The following LRIG2 variants were observed in gnomAD, a reference collection of about 807,000 sequenced individuals.
The protein encoded by LRIG2 is leucine-rich repeats and immunoglobulin-like domains protein 2.
Under a neutral mutation model 107.8 loss-of-function variants are expected in LRIG2, and 93 were observed. The ratio of observed to expected loss-of-function variants is 0.86; its 90% confidence interval spans 0.73 to 1.03. The LOEUF (loss-of-function observed/expected upper bound fraction) is 1.03. LRIG2 is among the 50% of genes least tolerant of loss of function. The pLI, the probability that LRIG2 is intolerant of heterozygous loss-of-function variation, is 0.00. For synonymous variants in LRIG2, 471 were observed against 470.6 expected (o/e 1.00, Z -0.01); for missense variants, 1,226 against 1,296.0 (o/e 0.95, Z 0.83).
At chr1:113,100,687 C>T (rs1283751439) in intron 11 of LRIG2, 199 bp downstream of exon 11, 4 of 434,188 alleles carry the variant, frequency 9.2e-6, no homozygotes, top group Non-Finnish European at 1.7e-5. Context: ...GAGTGTGTGG[C>T]ACCAAGACCT....
intron 14 of LRIG2, among the ~76,000 whole-genome samples, chr1:113,113,552 ATTTATTTATTTATTTAT>A (rs1257023336): frequency 6.8e-6 from 1 of 148,142 alleles, no homozygotes; most frequent in Non-Finnish European, 1.5e-5. Context: ...TTATTTATTT[ATTTATTTATTTATTTAT>A]TTATTTATTT....
intron 14 of LRIG2, among the ~76,000 whole-genome samples, chr1:113,113,919 T>C (rs945877453): frequency 3.3e-5 from 5 of 152,180 alleles, no homozygotes; most frequent in Non-Finnish European, 7.3e-5. Context: ...TAGCATATTC[T>C]AGACTTTCCC....
intron 1 of LRIG2, among the ~76,000 whole-genome samples, chr1:113,089,362 T>C (rs1653690810): frequency 6.6e-6 from 1 of 152,242 alleles, no homozygotes; most frequent in Non-Finnish European, 1.5e-5. Context: ...TAGACTTGAC[T>C]AATTTCAGTG....
intron 16 of LRIG2, among the ~76,000 whole-genome samples, chr1:113,116,928 G>A (rs1655043614): frequency 6.6e-6 from 1 of 152,168 alleles, no homozygotes; most frequent in African/African-American, 2.4e-5. Context: ...TGTGCTGTGA[G>A]TGCACCTATG....
At position 113,124,229 on chromosome 1, in the gene LRIG2, A is replaced by G. The variant is rs190780458; in HGVS notation, c.*128A>G. ...TTTCTTTATGATTGCATCTGACCGCACCAAGGTGGGCCATGCGTTGTTTGG... is the reference window on the plus strand; with the variant it reads ...TTTCTTTATGATTGCATCTGACCGCGCCAAGGTGGGCCATGCGTTGTTTGG... On this transcript the variant is annotated 3_prime_UTR_variant, in exon 18 of 18. Coordinates refer to ENST00000361127, the MANE Select transcript of LRIG2 (RefSeq NM_014813.3). The G allele has an allele frequency of 6.3e-4, 504 of 799,682 alleles. 1 individual carries two copies. In the African/African-American group the frequency reaches 7.7e-3, roughly 12 times the overall value. The allele number at this position is 799,682 out of a possible 1,614,324, so 49.5% of individuals were successfully genotyped here.
At position 113,132,000 on chromosome 1, in the gene LRIG2, C is replaced by T. The variant is rs1655715638; in HGVS notation, c.*7899C>T. On this transcript the variant is annotated 3_prime_UTR_variant, in exon 18 of 18. Transcript: ENST00000361127. ...AATGTCTCTTTGCTGTTTACTGTGG[C>T]CTCTTTACAATGGTGAGACTTATTT... 2 of 151,970 alleles carry T rather than the reference C, an allele frequency of 1.3e-5. No homozygotes were observed. The highest frequency in any genetic ancestry group is 2.4e-5 in the African/African-American group (1 of 41,358). 9.4% of individuals were successfully genotyped at this position (151,970 alleles called of 1,614,324 possible).
In LRIG2 at chr1:113,129,247, GTTGCAGTGAGCCGAGA is replaced by G. The variant is rs1439918649; in HGVS notation, c.*5152_*5167del. ...AATCACTTGAACCTGGGAGGCAGAG[GTTGCAGTGAGCCGAGA>G]TTGCACCACTGCACTCCAGCCTGGT... On this transcript the variant is annotated 3_prime_UTR_variant, in exon 18 of 18. Coordinates refer to ENST00000361127, the MANE Select transcript of LRIG2 (RefSeq NM_014813.3). The G allele has an allele frequency of 7.0e-6, 1 of 142,020 alleles. No individual in the cohort carries two copies. Among genetic ancestry groups the G allele is most frequent in the Non-Finnish European group, 1.5e-5 (1 of 66,594 alleles). The allele number at this position is 142,020 out of a possible 1,614,324, so 8.8% of individuals were successfully genotyped here.
intron 9 of LRIG2, 92 bp downstream of exon 9, chr1:113,098,877 A>G: frequency 1.3e-6 from 1 of 786,772 alleles, no homozygotes; most frequent in South Asian, 1.5e-5. Flanking sequence ...TCATATGGCT[A>G]CAAAGTCTGA....
intron 16 of LRIG2, among the ~76,000 whole-genome samples, chr1:113,117,673 G>T (rs1290245463): frequency 1.3e-5 from 2 of 151,884 alleles, no homozygotes; most frequent in Non-Finnish European, 2.9e-5. Flanking sequence ...TAGTAGAGAC[G>T]GGTTTCACCA....
At chr1:113,089,942 G>T (rs530794306) in intron 1 of LRIG2, among the ~76,000 whole-genome samples, 1 of 151,346 alleles carries the variant, frequency 6.6e-6, no homozygotes, top group East Asian at 1.9e-4. Flanking sequence ...TGATCCACCC[G>T]CCTTGGCCTC....
rs1318611095 is a variant in LRIG2, at chr1:113,131,829, TGTGTGTGTGTGTGTGAAGATGGAATAGG to T, written c.*7732_*7759del. The T allele has an allele frequency of 6.6e-6, 1 of 151,656 alleles. No individual in the cohort carries two copies. Among genetic ancestry groups the T allele is most frequent in the African/African-American group, 2.4e-5 (1 of 41,236 alleles). The allele number at this position is 151,656 out of a possible 1,614,324, so 9.4% of individuals were successfully genotyped here. ...GTGTGTGTGTGTGTGTGTGTGTGTG[TGTGTGTGTGTGTGTGAAGATGGAATAGG>T]GTGAAGGTGAAGAAACAGCTTGACT... is the stretch of plus-strand genomic sequence containing the variant. On this transcript the variant is annotated 3_prime_UTR_variant, in exon 18 of 18. Transcript: ENST00000361127.
At chr1:113,117,882 TC>T (rs2101065618) in intron 16 of LRIG2, among the ~76,000 whole-genome samples, 1 of 152,072 alleles carries the variant, frequency 6.6e-6, no homozygotes, top group Admixed American at 6.6e-5. Context: ...TTCACTCTCT[TC>T]CAATTCTAAC....
At chr1:113,074,214 T>A (rs1652852512) in intron 1 of LRIG2, among the ~76,000 whole-genome samples, 1 of 152,236 alleles carries the variant, frequency 6.6e-6, no homozygotes, top group South Asian at 2.1e-4. Flanking sequence ...ATCCTGTAAT[T>A]CAGAATATCT....
chr1:113,085,501 C>T (rs1187098414), intron 1 of LRIG2, among the ~76,000 whole-genome samples: 1 of 152,168 alleles, frequency 6.6e-6, no homozygotes, highest in Non-Finnish European at 1.5e-5. Flanking sequence ...TCAGGCTGGT[C>T]CCGCACTTCT....
Position 113,123,985 on chromosome 1 carries a change from C to G in LRIG2, c.3082C>G (p.Leu1028Val). 1 of 1,614,086 alleles carries G rather than the reference C, an allele frequency of 6.2e-7. No homozygotes were observed. Among genetic ancestry groups the G allele is most frequent in the Non-Finnish European group, 8.5e-7 (1 of 1,180,026 alleles). Residue 1028 changes from leucine to valine, a missense_variant, in exon 18 of 18, where the codon CTG becomes GTG. Transcript: ENST00000361127. ...ACCACAACTTCATCAAAATGAGGGC[C>G]TGGCAGGGAGAGAGCCAGACTGTTC... ...ESPQLHQNEGLAGREPDCSAS... is the reference protein window; with the variant it reads ...ESPQLHQNEGVAGREPDCSAS...
intron 14 of LRIG2, among the ~76,000 whole-genome samples, chr1:113,113,459 A>G (rs1313715425): frequency 1.3e-5 from 2 of 148,228 alleles, no homozygotes; most frequent in Non-Finnish European, 3.0e-5. Context: ...TATGTCAGTT[A>G]TTATTATTAT....
At chr1:113,097,566 T>C (rs887693861) in intron 8 of LRIG2, among the ~76,000 whole-genome samples, 2 of 152,234 alleles carry the variant, frequency 1.3e-5, no homozygotes, top group African/African-American at 4.8e-5. Flanking sequence ...CAATGCAATC[T>C]CAGAAACTTA....
At chr1:113,075,318 G>A (rs183191393) in intron 1 of LRIG2, among the ~76,000 whole-genome samples, 102 of 152,258 alleles carry the variant, frequency 6.7e-4, no homozygotes, top group Non-Finnish European at 1.1e-3. Context: ...GAGGTGTTGC[G>A]GAGTTTAAGA....
At chr1:113,083,237 T>G (rs1570727484) in intron 1 of LRIG2, among the ~76,000 whole-genome samples, 1 of 105,618 alleles carries the variant, frequency 9.5e-6, no homozygotes, top group Non-Finnish European at 2.1e-5. Flanking sequence ...TTTTTTTTTT[T>G]GATATGGAGT....
Sources: allele counts gnomAD v4.1 joint callset (sites outside exome capture counted in the v4.1 genomes callset), GRCh38; gene constraint gnomAD v4.1.1; transcripts MANE v1.5; gene names NCBI Gene and HGNC (gene_info 2026-07-23, HGNC 2026-07-21).